Variants in C2CD5 observed in about 807,000 individuals in gnomAD.
The protein encoded by C2CD5 is C2 domain-containing protein 5.
In C2CD5, 109 loss-of-function variants were observed where a neutral mutation model predicts 130.3. The observed-to-expected ratio is 0.84, with a 90% confidence interval of 0.72 to 0.98. C2CD5 has a LOEUF of 0.98. Among genes scored for constraint, C2CD5 ranks in the 50% least tolerant of loss-of-function variants. C2CD5 has a pLI of 0.00. For missense variants in C2CD5, 996 were observed against 1,261.8 expected, an observed-to-expected ratio of 0.79 and a Z score of 3.19; for synonymous variants, 454 against 429.2, an observed-to-expected ratio of 1.06 and a Z score of -0.71.
chr12:22,502,629 G>A (rs1361109069), intron 10 of C2CD5: 9 of 605,632 alleles, frequency 1.5e-5, no homozygotes, highest in Non-Finnish European at 2.6e-5. Context: ...AATATTATCT[G>A]TATAACTGAA....
intron 26 of C2CD5, among the ~76,000 whole-genome samples, chr12:22,452,041 G>T (rs978793595): frequency 4.6e-5 from 7 of 152,108 alleles, no homozygotes; most frequent in Non-Finnish European, 1.5e-5. Context: ...CTGATTTTGA[G>T]GCACTTGTTA....
chr12:22,450,001 T>C (rs1245032682), intron 26 of C2CD5, 110 bp from the exon 27 acceptor site: 2 of 816,806 alleles, frequency 2.4e-6, no homozygotes, highest in South Asian at 6.1e-5. Context: ...TCTAAATCAT[T>C]AGGATAAAGA....
chr12:22,473,381 C>T (rs572307552), intron 16 of C2CD5, among the ~76,000 whole-genome samples: 75 of 152,294 alleles, frequency 4.9e-4, no homozygotes, highest in Non-Finnish European at 9.3e-4. Context: ...CTTCTTCCCA[C>T]ATCACCCTCA....
chr12:22,494,094 T>C (rs956398724), intron 10 of C2CD5, among the ~76,000 whole-genome samples: 6 of 152,064 alleles, frequency 3.9e-5, no homozygotes, highest in African/African-American at 7.2e-5. Flanking sequence ...AAATGAAGCA[T>C]CTGTCATACA....
chr12:22,483,886 T>G (rs1945083277), intron 13 of C2CD5, among the ~76,000 whole-genome samples: 1 of 152,128 alleles, frequency 6.6e-6, no homozygotes, highest in South Asian at 2.1e-4. Flanking sequence ...GAGATGCCTA[T>G]GGCTTATCAA....
rs540800724 is a variant in C2CD5, at chr12:22,518,108, T to C, written c.830A>G (p.Asn277Ser). The change falls in exon 8 of 27, where the codon AAT becomes AGT. Residue 277 changes from asparagine (N) to serine (S), a missense_variant. Physicochemically the swap from Asn to Ser is conservative, Grantham distance 46. Around this residue, in one of 9 missense-constraint regions of C2CD5, gnomAD observed 156 missense variants for 165.9 expected, o/e 0.94. Transcript: ENST00000446597. ...GGTTGAGGGTCCTGATGAGTGAGTA[T>C]TGGGATTGGGATCTTCATTGAAGGG... ...EIPFNEDPNPNTHSSGPSTPL... is the reference protein window; with the variant it reads ...EIPFNEDPNPSTHSSGPSTPL... 10 of 1,613,840 alleles carry C rather than the reference T, an allele frequency of 6.2e-6. No individual in the cohort carries two copies. The highest frequency in any genetic ancestry group is 5.3e-5 in the African/African-American group (4 of 75,000).
At chr12:22,482,181 GC>G (rs1434517939) in intron 14 of C2CD5, among the ~76,000 whole-genome samples, 1 of 152,156 alleles carries the variant, frequency 6.6e-6, no homozygotes. Flanking sequence ...TGCCATGGAT[GC>G]TGCTAAGCGT....
chr12:22,468,885 A>G (rs1369546844), intron 22 of C2CD5, among the ~76,000 whole-genome samples: 2 of 152,202 alleles, frequency 1.3e-5, no homozygotes, highest in Non-Finnish European at 2.9e-5. Context: ...ATCAAATAAC[A>G]AGTAGGAATC....
chr12:22,469,200 T>C (rs972963343), intron 22 of C2CD5, among the ~76,000 whole-genome samples: 10 of 152,276 alleles, frequency 6.6e-5, no homozygotes, highest in Non-Finnish European at 1.5e-4. Context: ...GTGTCTTATA[T>C]AAGTACATAA....
At chr12:22,483,190 T>C (rs1333460191) in intron 13 of C2CD5, among the ~76,000 whole-genome samples, 1 of 152,020 alleles carries the variant, frequency 6.6e-6, no homozygotes, top group Non-Finnish European at 1.5e-5. Context: ...AATTAAATAT[T>C]TTAAAGAATC....
At chr12:22,492,006 A>T (rs1246886030) in intron 11 of C2CD5, among the ~76,000 whole-genome samples, 1 of 152,210 alleles carries the variant, frequency 6.6e-6, no homozygotes, top group African/African-American at 2.4e-5. Flanking sequence ...AGTAGTTAAC[A>T]AGAGTAGAAC....
chr12:22,521,683 A>C (rs1950281575), intron 7 of C2CD5, among the ~76,000 whole-genome samples: 1 of 152,234 alleles, frequency 6.6e-6, no homozygotes, highest in African/African-American at 2.4e-5. Flanking sequence ...AAGCAAATTC[A>C]TTCTTCGATT....
At chr12:22,465,881 T>A (rs1941985216) in intron 22 of C2CD5, among the ~76,000 whole-genome samples, 1 of 152,036 alleles carries the variant, frequency 6.6e-6, no homozygotes, top group Admixed American at 6.6e-5. Flanking sequence ...TCAGCACCAG[T>A]TAATATATCA....
Position 22,516,100 on chromosome 12 carries a change from C to T in C2CD5, c.952+1886G>A, listed in dbSNP as rs1345180571. On this transcript the variant is annotated intron_variant, in intron 8 of 26. Coordinates refer to ENST00000446597, the MANE Select transcript of C2CD5 (RefSeq NM_001286176.2). Reference sequence around the variant, plus strand: ...TCTAAATGTTATTAACTTTATTCTACTTTTGGATTCCCAAATAAATTATAA... The same window carrying T: ...TCTAAATGTTATTAACTTTATTCTATTTTTGGATTCCCAAATAAATTATAA... Among the ~76,000 whole-genome samples, 3 of 150,736 alleles carry T rather than the reference C, an allele frequency of 2.0e-5. No individual in the cohort carries two copies. In the East Asian group the frequency reaches 5.8e-4, roughly 29 times the overall value.
At chr12:22,468,195 A>C (rs1047359) in intron 22 of C2CD5, among the ~76,000 whole-genome samples, 7,848 of 152,024 alleles carry the variant, frequency 0.052, 693 homozygotes, top group African/African-American at 0.18. Flanking sequence ...AGAAAAAAAA[A>C]CTTGCTGTAT....
chr12:22,482,561 A>G lies in C2CD5; in HGVS notation c.1733T>C (p.Leu578Ser). 2 of 1,612,830 alleles carry G rather than the reference A, an allele frequency of 1.2e-6. No individual in the cohort carries two copies. The highest frequency in any genetic ancestry group is 1.7e-6 in the Non-Finnish European group (2 of 1,179,290). ...ACCAAAAACATCTAAACTTACCGCT[A>G]AGCCCATCAACATATTTTCACCCAC... is the stretch of plus-strand genomic sequence containing the variant. ...ITVGENMLMG[L>S]ASATGVYLAA... The change falls in exon 14 of 27, where the codon TTA becomes TCA. Residue 578 changes from leucine (L) to serine (S), a missense_variant. Physicochemically the swap from Leu to Ser is moderately radical, Grantham distance 145. Coordinates refer to ENST00000446597, the MANE Select transcript of C2CD5 (RefSeq NM_001286176.2).
chr12:22,531,939 CTATACATTAACGAAAGAA>C (rs1228672000), intron 3 of C2CD5, among the ~76,000 whole-genome samples: 2 of 152,156 alleles, frequency 1.3e-5, no homozygotes, highest in Non-Finnish European at 2.9e-5. Context: ...ACTAATTAAA[CTATACATTAACGAAAGAA>C]CAGAAGATAT....
intron 10 of C2CD5, among the ~76,000 whole-genome samples, chr12:22,499,172 T>A (rs147846180): frequency 8.4e-4 from 128 of 152,302 alleles, no homozygotes; most frequent in African/African-American, 2.9e-3. Flanking sequence ...TAGAACTCAA[T>A]TGCTATGTAG....
intron 9 of C2CD5, among the ~76,000 whole-genome samples, chr12:22,508,792 T>C (rs933714190): frequency 6.6e-6 from 1 of 152,172 alleles, no homozygotes; most frequent in Non-Finnish European, 1.5e-5. Flanking sequence ...TAAATTTTAA[T>C]ATTTCCTCAA....
Sources: gnomAD v4.1 joint callset for allele counts (sites outside exome capture counted in the v4.1 genomes callset) on GRCh38, gnomAD v4.1.1 for gene constraint, gnomAD v4.1.1 regional missense constraint, MANE v1.5 for transcripts, NCBI Gene and HGNC (gene_info 2026-07-23, HGNC 2026-07-21) for gene names.